PGAM1: variants seen among roughly 807,000 people sequenced by gnomAD.
The protein encoded by PGAM1 is BPG-dependent PGAM 1.
A neutral mutation model predicts 23.5 loss-of-function variants in PGAM1; 21 were observed. That is an observed-to-expected ratio of 0.89 (90% CI 0.63 to 1.29). The LOEUF (loss-of-function observed/expected upper bound fraction) is 1.29, where lower values mean the gene tolerates loss of function less well. Ranked by LOEUF, PGAM1 falls within the 50% of genes most tolerant of loss-of-function variation. PGAM1 has a pLI of 0.00. For missense variants in PGAM1, 232 were observed against 336.3 expected (o/e 0.69, Z 2.42); for synonymous variants, 109 against 128.6 (o/e 0.85, Z 1.03).
chr10:97,430,819 A>G (rs550420728), intron 2 of PGAM1, 136 bp from the exon 3 acceptor site: 21 of 1,474,912 alleles, frequency 1.4e-5, no homozygotes, highest in Admixed American at 1.9e-5. Context: ...ATAGTTTACT[A>G]TCTCCTTTTT....
Sources: allele counts gnomAD v4.1 joint callset, GRCh38; gene constraint gnomAD v4.1.1; transcripts MANE v1.5; gene names NCBI Gene and HGNC (gene_info 2026-07-23, HGNC 2026-07-21).